NCAN: variants seen among roughly 807,000 people sequenced by gnomAD.
NCAN encodes the protein neurocan core protein.
Under a neutral mutation model 121.8 loss-of-function variants are expected in NCAN, and 47 were observed. The ratio of observed to expected loss-of-function variants is 0.39; its 90% CI spans 0.31 to 0.49. The LOEUF (loss-of-function observed/expected upper bound fraction) is 0.49, where lower values mean the gene tolerates loss of function less well. Ranked by LOEUF, NCAN falls within the 20% of genes least tolerant of loss-of-function variation. The probability of loss-of-function intolerance (pLI) is 0.92; values close to 1 mark genes in which losing one functional copy is unlikely to be tolerated. For synonymous variants in NCAN, 633 were observed against 702.0 expected, an observed-to-expected ratio of 0.90 and a Z score of 1.55; for missense variants, 1,517 against 1,773.4, an observed-to-expected ratio of 0.86 and a Z score of 2.60.
At chr19:19,223,996 C>G in intron 3 of NCAN, 25 bp from the exon 4 acceptor site, 1 of 1,498,346 alleles carries the variant, frequency 6.7e-7, no homozygotes, top group Non-Finnish European at 8.9e-7. Context: ...TCAACTGTCC[C>G]CCCATCCTGG....
intron 1 of NCAN, among the ~76,000 whole-genome samples, chr19:19,214,748 GT>G (rs1269731874): frequency 1.3e-5 from 2 of 151,540 alleles, no homozygotes; most frequent in Non-Finnish European, 2.9e-5. Context: ...GTGTGTGTGT[GT>G]GTGTGTGTGT....
intron 3 of NCAN, among the ~76,000 whole-genome samples, chr19:19,223,287 G>C (rs1037056468): frequency 1.3e-5 from 2 of 152,080 alleles, no homozygotes; most frequent in East Asian, 3.9e-4. Context: ...GCCTAACCCT[G>C]GGCATGAAGA....
In NCAN at chr19:19,226,824, G is replaced by T; in HGVS notation, c.1411G>T (p.Ala471Ser). The change falls in exon 7 of 15, where the codon GCC becomes TCC. Residue 471 changes from alanine (A) to serine (S), a missense_variant. Physicochemically the swap from Ala to Ser is moderately conservative, Grantham distance 99. Coordinates refer to ENST00000252575, the MANE Select transcript of NCAN (RefSeq NM_004386.3). ...GTAASSHTEV[A>S]PTDPMPRRRG... The stretch of plus-strand genomic sequence containing the variant: ...TGCAGCAAGTTCACACACGGAGGTG[G>T]CCCCAACTGACCCTATGCCTAGGAG... The T allele has an allele frequency of 6.2e-7, 1 of 1,613,270 alleles. No homozygotes were observed. The highest frequency in any genetic ancestry group is 1.1e-5 in the South Asian group (1 of 91,092).
At position 19,227,998 on chromosome 19, in the gene NCAN, G is replaced by A; in HGVS notation, c.2378G>A (p.Ser793Asn). ...GTGTACAGCAAAGGGCTGGATGCAA[G>A]TTCCCCATCTGCCCCCCTGGGGAGC... The part of the protein sequence containing the change: ...PSVYSKGLDA[S>N]SPSAPLGSPG... The change falls in exon 8 of 15, where the codon AGT becomes AAT. Residue 793 changes from serine to asparagine, a missense_variant. Transcript: ENST00000252575. The surrounding 1 kb of genome is among the most constrained non-coding windows in gnomAD (Gnocchi z 4.2). The A allele has an allele frequency of 6.2e-7, 1 of 1,613,490 alleles. No individual in the cohort carries two copies. The highest frequency in any genetic ancestry group is 8.5e-7 in the Non-Finnish European group (1 of 1,179,994).
In NCAN at chr19:19,227,209, C is replaced by T. The variant is rs1255607885; in HGVS notation, c.1661-72C>T. The T allele has an allele frequency of 1.3e-6, 2 of 1,501,674 alleles. No homozygotes were observed. The highest frequency in any genetic ancestry group is 2.3e-5 in the Admixed American group (1 of 43,808). The allele number at this position is 1,501,674 out of a possible 1,614,324, so 93.0% of individuals were successfully genotyped here. On this transcript the variant is annotated intron_variant, in intron 7 of 14. Transcript: ENST00000252575. The surrounding 1 kb of genome is among the most constrained non-coding windows in gnomAD (Gnocchi z 4.2). The stretch of plus-strand genomic sequence containing the variant: ...TCCTCTGGCCCCAGAAGCCCCCTCT[C>T]CCTTGGGCCTGGAGTCCAACCAAAG...
chr19:19,247,583 G>T (rs1006255223), intron 13 of NCAN, among the ~76,000 whole-genome samples: 3 of 151,914 alleles, frequency 2.0e-5, no homozygotes, highest in African/African-American at 7.3e-5. Context: ...TAGAGACAGG[G>T]TCTTGCTGTG....
chr19:19,226,763 G>A lies in NCAN; in HGVS notation c.1350G>A (p.Thr450=), dbSNP rs113375787. The change falls in exon 7 of 15, where the codon ACG becomes ACA. Residue 450 remains threonine, a synonymous_variant. Coordinates refer to ENST00000252575, the MANE Select transcript of NCAN (RefSeq NM_004386.3). ...CCACTGGGGAAGTGTGGCTAAGCAC[G>A]GTGGCCCCCAGCCCTAGCGACATGG... is the stretch of plus-strand genomic sequence containing the variant. ...SWPTGEVWLS[T]VAPSPSDMGA... is the part of the protein sequence containing the mutation. 9.3e-6 allele frequency: 15 copies of A among 1,613,254 alleles called. No individual in the cohort carries two copies. The highest frequency in any genetic ancestry group is 2.2e-5 in the East Asian group (1 of 44,898).
intron 8 of NCAN, among the ~76,000 whole-genome samples, chr19:19,230,315 G>T (rs2060853339): frequency 6.6e-6 from 1 of 151,722 alleles, no homozygotes; most frequent in Non-Finnish European, 1.5e-5. Flanking sequence ...AAAGTGCTGG[G>T]ATTACAACTG....
At chr19:19,214,561 T>C (rs1430404198) in intron 1 of NCAN, among the ~76,000 whole-genome samples, 2 of 152,176 alleles carry the variant, frequency 1.3e-5, no homozygotes, top group African/African-American at 4.8e-5. Flanking sequence ...TTAACATTTC[T>C]AGGACTTTGC....
In NCAN at chr19:19,223,992, G is replaced by C. The variant is rs761905575; in HGVS notation, c.476-29G>C. 25 of 1,496,182 alleles carry C rather than the reference G, an allele frequency of 1.7e-5. 1 individual carries two copies. The South Asian group carries it at 2.8e-4, about 17-fold the overall frequency. The allele number at this position is 1,496,182 out of a possible 1,614,324, so 92.7% of individuals were successfully genotyped here. On this transcript the variant is annotated intron_variant, in intron 3 of 14. Transcript: ENST00000252575. ...TTGAAGATTCCAGCATAAGTCAACTGTCCCCCCATCCTGGATGTTCCCCCA... is the reference window on the plus strand; with the variant it reads ...TTGAAGATTCCAGCATAAGTCAACTCTCCCCCCATCCTGGATGTTCCCCCA...
At chr19:19,245,570 TGG>T in intron 13 of NCAN, 113 bp downstream of exon 13, 2 of 1,285,966 alleles carry the variant, frequency 1.6e-6, no homozygotes, top group Non-Finnish European at 2.1e-6. Flanking sequence ...CTCCACCGCC[TGG>T]GTTCAAGCCA....
Position 19,228,007 on chromosome 19 carries a change from C to T in NCAN, c.2387C>T (p.Ser796Phe), listed in dbSNP as rs371621000. Reference sequence around the variant, plus strand: ...AAAGGGCTGGATGCAAGTTCCCCATCTGCCCCCCTGGGGAGCCCTGGAGTC... The same window carrying T: ...AAAGGGCTGGATGCAAGTTCCCCATTTGCCCCCCTGGGGAGCCCTGGAGTC... ...YSKGLDASSP[S>F]APLGSPGVFL... The change falls in exon 8 of 15, where the codon TCT (serine) becomes TTT (phenylalanine). Residue 796 changes from serine to phenylalanine, a missense_variant. Physicochemically the swap from Ser to Phe is radical, Grantham distance 155. Coordinates refer to ENST00000252575, the MANE Select transcript of NCAN (RefSeq NM_004386.3). 1.9e-6 allele frequency: 3 copies of T among 1,613,520 alleles called. No individual in the cohort carries two copies. The South Asian group carries it at 3.3e-5, about 18-fold the overall frequency.
rs757970401 is a variant in NCAN, at chr19:19,224,463, C to G, written c.778+30C>G. On this transcript the variant is annotated intron_variant, in intron 5 of 14. Transcript: ENST00000252575. ...GTCTGGGACTGGCAGGACCCGGCCC[C>G]TCCGCCTCTCTTTGAGTATCTATTA... The G allele has an allele frequency of 4.6e-5, 74 of 1,604,304 alleles. No individual in the cohort carries two copies. In the Admixed American group the frequency reaches 1.2e-3, roughly 26 times the overall value.
At chr19:19,220,520 T>C (rs2060812814) in intron 3 of NCAN, among the ~76,000 whole-genome samples, 1 of 135,692 alleles carries the variant, frequency 7.4e-6, no homozygotes, top group African/African-American at 2.8e-5. Context: ...TGCAGTGGCA[T>C]GATCTCAACT....
chr19:19,215,525 T>C (rs1445364527), intron 1 of NCAN, among the ~76,000 whole-genome samples: 2 of 152,126 alleles, frequency 1.3e-5, no homozygotes, highest in Admixed American at 1.3e-4. Flanking sequence ...CTAGCCCCTA[T>C]AGGGAAATGG....
chr19:19,240,761 T>A (rs867682952), intron 12 of NCAN, 76 bp downstream of exon 12: 1 of 1,469,526 alleles, frequency 6.8e-7, no homozygotes. Context: ...TACCCTTTTG[T>A]GCAAAGTTAT....
At chr19:19,237,177 G>A (rs2060883984) in intron 10 of NCAN, among the ~76,000 whole-genome samples, 1 of 151,414 alleles carries the variant, frequency 6.6e-6, no homozygotes, top group South Asian at 2.1e-4. Flanking sequence ...CCAAAATACT[G>A]GGATTACAGG....
At chr19:19,226,219 C>T (rs781258460) in intron 6 of NCAN, among the ~76,000 whole-genome samples, 4 of 152,152 alleles carry the variant, frequency 2.6e-5, no homozygotes, top group Non-Finnish European at 4.4e-5. Context: ...CGTGAGCCAC[C>T]GCGCCTGGCC....
In NCAN at chr19:19,249,942, T is replaced by A; in HGVS notation, c.*31T>A. 1 of 1,591,230 alleles carries A rather than the reference T, an allele frequency of 6.3e-7. No homozygotes were observed. The highest frequency in any genetic ancestry group is 2.3e-5 in the East Asian group (1 of 43,534). ...CAGAAAAAAGAAAGCACAACACCTT[T>A]CCCATGCCTCCTCTGGAGCCTTCGC... On this transcript the variant is annotated 3_prime_UTR_variant, in exon 15 of 15. Transcript: ENST00000252575.
Sources: allele counts gnomAD v4.1 joint callset (sites outside exome capture counted in the v4.1 genomes callset), GRCh38; gene constraint gnomAD v4.1.1; non-coding constraint Gnocchi (gnomAD v3.1); transcripts MANE v1.5; gene names NCBI Gene and HGNC (gene_info 2026-07-23, HGNC 2026-07-21).